The following STK38L variants were observed in gnomAD, a reference collection of about 807,000 sequenced individuals.
The protein encoded by STK38L is serine/threonine kinase 38 like.
Under a neutral mutation model 59.7 loss-of-function variants are expected in STK38L, and 28 were observed. The ratio of observed to expected loss-of-function variants is 0.47; its 90% CI spans 0.35 to 0.64. The LOEUF is 0.64. Ranked by LOEUF, STK38L falls within the 30% of genes least tolerant of loss-of-function variation. The probability of loss-of-function intolerance (pLI) is 0.01; values close to 1 mark genes in which losing one functional copy is unlikely to be tolerated. For missense variants in STK38L, 314 were observed against 555.8 expected, an observed-to-expected ratio of 0.56 and a Z score of 4.37; for synonymous variants, 162 against 176.8, an observed-to-expected ratio of 0.92 and a Z score of 0.66.
chr12:27,303,589 CAAG>C (rs1745290094), intron 3 of STK38L, among the ~76,000 whole-genome samples: 1 of 152,038 alleles, frequency 6.6e-6, no homozygotes, highest in Non-Finnish European at 1.5e-5. Context: ...CTTTTGCCCT[CAAG>C]GAGTTTTAGA....
At chr12:27,318,833 T>C (rs1944652136) in intron 11 of STK38L, among the ~76,000 whole-genome samples, 1 of 151,958 alleles carries the variant, frequency 6.6e-6, no homozygotes. Flanking sequence ...CTACTAAAAA[T>C]ACAAAAAATT....
intron 1 of STK38L, among the ~76,000 whole-genome samples, chr12:27,274,674 T>C (rs1163076309): frequency 6.6e-6 from 1 of 152,246 alleles, no homozygotes; most frequent in Non-Finnish European, 1.5e-5. Context: ...GATGAATACA[T>C]ACTATTGTTC....
chr12:27,318,862 G>A (rs1403885311), intron 11 of STK38L, among the ~76,000 whole-genome samples: 2 of 152,088 alleles, frequency 1.3e-5, no homozygotes, highest in African/African-American at 4.8e-5. Flanking sequence ...GAGGTGGCGG[G>A]CGCCTGTAGT....
intron 11 of STK38L, among the ~76,000 whole-genome samples, chr12:27,318,350 T>C (rs1332621260): frequency 3.9e-5 from 6 of 152,210 alleles, no homozygotes; most frequent in South Asian, 2.1e-4. Context: ...AAAGTATATA[T>C]GTAAAATCTT....
At chr12:27,248,713 C>T (rs1031350130) in intron 1 of STK38L, among the ~76,000 whole-genome samples, 2 of 152,102 alleles carry the variant, frequency 1.3e-5, no homozygotes, top group Non-Finnish European at 2.9e-5. Context: ...GGGGTAGGTT[C>T]TAGAAGACAC....
chr12:27,305,124 C>G lies in STK38L; in HGVS notation c.186+2936C>G, dbSNP rs1004270863. Among the ~76,000 whole-genome samples the G allele has an allele frequency of 2.0e-5, 3 of 152,102 alleles. 1 individual carries two copies. The highest frequency in any genetic ancestry group is 2.0e-4 in the Admixed American group (3 of 15,274). ...TCTAAAGAGGATTGCTACCATTGGC[C>G]CCTGTGGCCAAGGCCCTGTTTTTCC... On this transcript the variant is annotated intron_variant, in intron 3 of 13. Coordinates refer to ENST00000389032, the MANE Select transcript of STK38L (RefSeq NM_015000.4).
In STK38L at chr12:27,300,457, A is replaced by AAG. The variant is rs1463597253; in HGVS notation, c.135-1679_135-1678dup. The stretch of plus-strand genomic sequence containing the variant: ...TGTTAGTCTTGGCAATAACTGAGGA[A>AAG]AGGGACAGTGGAAATTTGACAGAAG... On this transcript the variant is annotated intron_variant, in intron 2 of 13. Transcript: ENST00000389032. The AAG allele has an allele frequency of 1.3e-5, 6 of 445,476 alleles. No individual in the cohort carries two copies. In the Admixed American group the frequency reaches 1.4e-4, roughly 11 times the overall value. The allele number at this position is 445,476 out of a possible 1,614,324, so 27.6% of individuals were successfully genotyped here.
At chr12:27,245,174 G>C (rs745761499) in intron 1 of STK38L, among the ~76,000 whole-genome samples, 1 of 152,266 alleles carries the variant, frequency 6.6e-6, no homozygotes, top group South Asian at 2.1e-4. Flanking sequence ...AGTGGGAGGT[G>C]GGGGGAGGGC....
intron 1 of STK38L, among the ~76,000 whole-genome samples, chr12:27,280,088 G>T (rs1373999161): frequency 6.6e-6 from 1 of 152,206 alleles, no homozygotes; most frequent in South Asian, 2.1e-4. Context: ...TTTGATAAAA[G>T]TTACCCATGG....
In STK38L at chr12:27,314,660, C is replaced by T. The variant is rs1944541429; in HGVS notation, c.672+2C>T. ...GACAACCTTTTATTGGATGCCAAGG[C>T]ATGTGAATAAACTGGTGAATTACTA... is the stretch of plus-strand genomic sequence containing the variant. On this transcript the variant is annotated splice_donor_variant, in intron 7 of 13. Coordinates refer to ENST00000389032, the MANE Select transcript of STK38L (RefSeq NM_015000.4). LOFTEE classifies it low-confidence loss of function (GC_TO_GT_DONOR). 6.3e-7 allele frequency: 1 copy of T among 1,592,434 alleles called. No homozygotes were observed. The highest frequency in any genetic ancestry group is 8.5e-7 in the Non-Finnish European group (1 of 1,171,216).
Position 27,306,972 on chromosome 12 carries a change from A to T in STK38L, c.187-1367A>T, listed in dbSNP as rs1206893142. On this transcript the variant is annotated intron_variant, in intron 3 of 13. Transcript: ENST00000389032. ...TCTCGATCTCCTGACTTCATGATCC[A>T]TCCACCTCGGCCTCCCAAAGTGCTG... 2.0e-5 allele frequency among the ~76,000 whole-genome samples: 3 copies of T among 151,958 alleles called. No homozygotes were observed. In the East Asian group the frequency reaches 5.8e-4, roughly 29 times the overall value.
Position 27,324,653 on chromosome 12 carries a change from T to G in STK38L, c.*2198T>G, listed in dbSNP as rs1944800862. 1 of 152,066 alleles carries G rather than the reference T, an allele frequency of 6.6e-6. No homozygotes were observed. Among genetic ancestry groups the G allele is most frequent in the Non-Finnish European group, 1.5e-5 (1 of 67,930 alleles). The allele number at this position is 152,066 out of a possible 1,614,324, so 9.4% of individuals were successfully genotyped here. On this transcript the variant is annotated 3_prime_UTR_variant, in exon 14 of 14. Transcript: ENST00000389032. ...GGAAGGGTAGTTCTGGAAAGCTACTTTGTTGAGAGTCTCATTCTTCCCTGG... is the reference window on the plus strand; with the variant it reads ...GGAAGGGTAGTTCTGGAAAGCTACTGTGTTGAGAGTCTCATTCTTCCCTGG...
chr12:27,276,467 C>G (rs1464333301), intron 1 of STK38L, among the ~76,000 whole-genome samples: 1 of 152,066 alleles, frequency 6.6e-6, no homozygotes, highest in African/African-American at 2.4e-5. Context: ...CGACTTCCAC[C>G]GAGCCCATCT....
intron 1 of STK38L, among the ~76,000 whole-genome samples, chr12:27,259,988 G>A (rs1330790476): frequency 6.6e-6 from 1 of 152,112 alleles, no homozygotes; most frequent in Non-Finnish European, 1.5e-5. Flanking sequence ...CCAGAACTCT[G>A]TTTCTTATAT....
chr12:27,252,487 C>T (rs1229666330), intron 1 of STK38L, among the ~76,000 whole-genome samples: 2 of 152,102 alleles, frequency 1.3e-5, no homozygotes, highest in Non-Finnish European at 2.9e-5. Context: ...AAGTGTCTAC[C>T]CACTGACCTG....
At chr12:27,281,368 AGC>A (rs1943653799) in intron 1 of STK38L, among the ~76,000 whole-genome samples, 1 of 150,066 alleles carries the variant, frequency 6.7e-6, no homozygotes, top group Non-Finnish European at 1.5e-5. Context: ...TACAGGCGTG[AGC>A]CACCGCGCCC....
intron 1 of STK38L, among the ~76,000 whole-genome samples, chr12:27,290,885 A>G (rs1159895584): frequency 1.3e-5 from 2 of 152,332 alleles, no homozygotes; most frequent in East Asian, 3.9e-4. Flanking sequence ...TCTAAATTGT[A>G]GCACAAGCCT....
At position 27,291,991 on chromosome 12, in the gene STK38L, G is replaced by A. The variant is rs148942382; in HGVS notation, c.-11-5719G>A. The stretch of plus-strand genomic sequence containing the variant: ...CCAGATTTGTTATCTCCTTTCCCCA[G>A]GCTTGATAAAAAAGAATGTTGGACT... On this transcript the variant is annotated intron_variant, in intron 1 of 13. Transcript: ENST00000389032. Among the ~76,000 whole-genome samples, 7 of 152,282 alleles carry A rather than the reference G, an allele frequency of 4.6e-5. No individual in the cohort carries two copies. The East Asian group carries it at 1.3e-3, about 29-fold the overall frequency.
intron 1 of STK38L, among the ~76,000 whole-genome samples, chr12:27,289,871 T>G (rs1943857903): frequency 6.6e-6 from 1 of 152,206 alleles, no homozygotes; most frequent in African/African-American, 2.4e-5. Flanking sequence ...TTTAAATATT[T>G]CTTTTTGCTA....
Sources: allele counts gnomAD v4.1 joint callset (sites outside exome capture counted in the v4.1 genomes callset), GRCh38; gene constraint gnomAD v4.1.1; transcripts MANE v1.5; gene names NCBI Gene and HGNC (gene_info 2026-07-23, HGNC 2026-07-21).